The following MYBPC2 variants were observed in gnomAD, a reference collection of about 807,000 sequenced individuals.
MYBPC2 encodes the protein myosin-binding protein C, fast-type.
A neutral mutation model predicts 137.0 loss-of-function variants in MYBPC2; 122 were observed. The ratio of observed to expected loss-of-function variants is 0.89; its 90% confidence interval spans 0.77 to 1.03. MYBPC2 has a LOEUF of 1.03. Ranked by LOEUF, MYBPC2 falls within the 50% of genes least tolerant of loss-of-function variation. The pLI, the probability that MYBPC2 is intolerant of heterozygous loss-of-function variation, is 0.00. For synonymous variants in MYBPC2, 626 were observed against 612.3 expected, an observed-to-expected ratio of 1.02 and a Z score of -0.33; for missense variants, 1,500 against 1,534.4, an observed-to-expected ratio of 0.98 and a Z score of 0.37.
rs549806762 is a variant in MYBPC2, at chr19:50,452,187, A to G, written c.1749+184A>G. Among the ~76,000 whole-genome samples, 3 of 152,326 alleles carry G rather than the reference A, an allele frequency of 2.0e-5. No individual in the cohort carries two copies. In the East Asian group the frequency reaches 5.8e-4, roughly 29 times the overall value. ...GGGCCTAGCACATGGTGGATGCTCC[A>G]TCCATTCATCCATTCACCTTTCAGT... On this transcript the variant is annotated intron_variant, in intron 16 of 27. Coordinates refer to ENST00000357701, the MANE Select transcript of MYBPC2 (RefSeq NM_004533.4).
At chr19:50,436,248 C>A in intron 4 of MYBPC2, 88 bp downstream of exon 4, 2 of 1,489,320 alleles carry the variant, frequency 1.3e-6, no homozygotes, top group African/African-American at 1.4e-5. Context: ...CCTGAGGCAT[C>A]AATGTGGGCC....
rs754042690 is a variant in MYBPC2 at position 50,444,179 on chromosome 19, CATCT to C, written c.1133+364_1133+367del. ...CCATCCATCCATCCATCCATCCATC[CATCT>C]GCTTAACCATCCATCCACTCATGCA... is the stretch of plus-strand genomic sequence containing the variant. On this transcript the variant is annotated intron_variant, in intron 11 of 27. Coordinates refer to ENST00000357701, the MANE Select transcript of MYBPC2 (RefSeq NM_004533.4). 5.1e-3 allele frequency among the ~76,000 whole-genome samples: 614 copies of C among 120,412 alleles called. 5 individuals are homozygous for C. Among genetic ancestry groups the C allele is most frequent in the African/African-American group, 0.015 (437 of 28,712 alleles). The allele number at this position is 120,412 out of a possible 152,430, so 79.0% of individuals were successfully genotyped here.
rs2039747372 is a variant in MYBPC2, at chr19:50,440,868, C to G, written c.573-12C>G. On this transcript the variant is annotated splice_polypyrimidine_tract_variant and intron_variant, in intron 7 of 27. Coordinates refer to ENST00000357701, the MANE Select transcript of MYBPC2 (RefSeq NM_004533.4). Reference sequence around the variant, plus strand: ...CTCCCTGATGGCCCCTGTCCGTTCCCCCACCCGCCAGGGAGGTGGTGGAGG... The same window carrying G: ...CTCCCTGATGGCCCCTGTCCGTTCCGCCACCCGCCAGGGAGGTGGTGGAGG... The G allele has an allele frequency of 1.2e-6, 2 of 1,608,180 alleles. No homozygotes were observed. The highest frequency in any genetic ancestry group is 1.7e-6 in the Non-Finnish European group (2 of 1,176,810).
chr19:50,443,898 T>C, intron 11 of MYBPC2, 82 bp downstream of exon 11: 2 of 1,278,686 alleles, frequency 1.6e-6, no homozygotes, highest in Non-Finnish European at 2.2e-6. Context: ...GGACCTCCTG[T>C]GACTTCTCTT....
At chr19:50,440,245 C>T (rs867919359) in intron 7 of MYBPC2, among the ~76,000 whole-genome samples, 9 of 151,322 alleles carry the variant, frequency 5.9e-5, no homozygotes, top group African/African-American at 2.2e-4. Context: ...GATGGGTGTA[C>T]CAAAATCTCA....
chr19:50,462,433 C>T (rs1385668326), intron 26 of MYBPC2, among the ~76,000 whole-genome samples: 1 of 152,148 alleles, frequency 6.6e-6, no homozygotes, highest in Non-Finnish European at 1.5e-5. Flanking sequence ...ATTCTCCCGC[C>T]TCGGCCTCCC....
chr19:50,446,088 C>A, intron 12 of MYBPC2, 36 bp downstream of exon 12: 1 of 1,596,030 alleles, frequency 6.3e-7, no homozygotes. Context: ...GGCTGCACTG[C>A]GCATGCTTCT....
In MYBPC2 at chr19:50,446,022, G is replaced by A. The variant is rs202217309; in HGVS notation, c.1276G>A (p.Gly426Ser). The A allele has an allele frequency of 1.5e-4, 248 of 1,613,306 alleles. 1 individual carries two copies. Among genetic ancestry groups the A allele is most frequent in the East Asian group, 5.1e-4 (23 of 44,868 alleles). ...RGRYQVITNGGQCEAELIVEE... is the reference protein window; with the variant it reads ...RGRYQVITNGSQCEAELIVEE... ...TCGCTATCAGGTCATAACCAATGGC[G>A]GCCAGTGTGAGGCCGAGCTGATTGT... is the stretch of plus-strand genomic sequence containing the variant. Residue 426 changes from glycine (G) to serine (S), a missense_variant, in exon 12 of 28, where the codon GGC (glycine) becomes AGC (serine). By Grantham distance (56) the Gly-to-Ser change is moderately conservative (BLOSUM62 0). Transcript: ENST00000357701.
At chr19:50,451,489 G>A (rs1361140579) in intron 15 of MYBPC2, among the ~76,000 whole-genome samples, 180 bp downstream of exon 15, 1 of 134,948 alleles carries the variant, frequency 7.4e-6, no homozygotes, top group African/African-American at 2.7e-5. Flanking sequence ...GAGGGGCGGG[G>A]AGCTGACAGA....
Position 50,436,004 on chromosome 19 carries a change from C to A in MYBPC2, c.197-8C>A. ...CTCCCACTCTACCCTGTCACTCACC[C>A]CATGTAGGGAAGGACGCAGTGGTCG... On this transcript the variant is annotated splice_polypyrimidine_tract_variant and splice_region_variant and intron_variant, in intron 3 of 27. Coordinates refer to ENST00000357701, the MANE Select transcript of MYBPC2 (RefSeq NM_004533.4). The A allele has an allele frequency of 6.4e-7, 1 of 1,574,116 alleles. No homozygotes were observed. Among genetic ancestry groups the A allele is most frequent in the East Asian group, 2.3e-5 (1 of 42,624 alleles).
chr19:50,451,768 A>G, intron 15 of MYBPC2, 96 bp from the exon 16 acceptor site: 4 of 1,509,642 alleles, frequency 2.6e-6, no homozygotes, highest in Non-Finnish European at 3.6e-6. Context: ...TGTCTCTGTC[A>G]CTGTTGGAAC....
chr19:50,451,032 G>A, intron 14 of MYBPC2, 97 bp downstream of exon 14: 1 of 1,177,434 alleles, frequency 8.5e-7, no homozygotes. Context: ...GGTTCCCCGA[G>A]TGCGAATGAG....
chr19:50,458,583 C>G lies in MYBPC2; in HGVS notation c.2339-4C>G. ...AGATCCGCCAGCAGGGCCTCTCTCT[C>G]CAGCCGAGGAATGGGTCCCTGCCAA... is the stretch of plus-strand genomic sequence containing the variant. On this transcript the variant is annotated splice_region_variant and splice_polypyrimidine_tract_variant and intron_variant, in intron 20 of 27. Coordinates refer to ENST00000357701, the MANE Select transcript of MYBPC2 (RefSeq NM_004533.4). The G allele has an allele frequency of 6.2e-7, 1 of 1,611,104 alleles. No homozygotes were observed. The highest frequency in any genetic ancestry group is 8.5e-7 in the Non-Finnish European group (1 of 1,179,822).
rs753547921 is a variant in MYBPC2 at position 50,466,188 on chromosome 19, C to T, written c.3416-7C>T. On this transcript the variant is annotated splice_region_variant and splice_polypyrimidine_tract_variant and intron_variant, in intron 27 of 27. Coordinates refer to ENST00000357701, the MANE Select transcript of MYBPC2 (RefSeq NM_004533.4). The surrounding 1 kb of genome is among the most constrained non-coding windows in gnomAD (Gnocchi z 4.9). Reference sequence around the variant, plus strand: ...CCTGGCTCACCCGCTTTCTCGTTTTCCTGCAGTGCCGCAGTGAGACCTGTC... The same window carrying T: ...CCTGGCTCACCCGCTTTCTCGTTTTTCTGCAGTGCCGCAGTGAGACCTGTC... 3.7e-6 allele frequency: 6 copies of T among 1,613,818 alleles called. No individual in the cohort carries two copies. The highest frequency in any genetic ancestry group is 5.1e-6 in the Non-Finnish European group (6 of 1,179,840).
intron 7 of MYBPC2, 143 bp from the exon 8 acceptor site, chr19:50,440,737 G>A: frequency 2.6e-6 from 2 of 776,910 alleles, no homozygotes; most frequent in Non-Finnish European, 4.1e-6. Context: ...AGGAGGCTGG[G>A]GCAATGGACC....
chr19:50,435,191 C>A lies in MYBPC2; in HGVS notation c.50C>A (p.Ala17Asp). The A allele has an allele frequency of 3.6e-6, 5 of 1,375,292 alleles. No individual in the cohort carries two copies. Among genetic ancestry groups the A allele is most frequent in the Non-Finnish European group, 5.2e-6 (5 of 967,356 alleles). The allele number at this position is 1,375,292 out of a possible 1,614,324, so 85.2% of individuals were successfully genotyped here. ...AAAAAGGCCCCCAAAGGCAAAGATG[C>A]CCCCAAAGGAGCCCCCAAGGAGGCT... is the stretch of plus-strand genomic sequence containing the variant. ...AAKKAPKGKD[A>D]PKGAPKEAPP... Residue 17 changes from alanine (A) to aspartate (D), a missense_variant, in exon 2 of 28, where the codon GCC (alanine) becomes GAC (aspartate). Physicochemically the swap from Ala to Asp is moderately radical, Grantham distance 126. Transcript: ENST00000357701. The surrounding 1 kb of genome is among the most constrained non-coding windows in gnomAD (Gnocchi z 4.8).
chr19:50,457,279 G>A (rs757315901), intron 20 of MYBPC2, among the ~76,000 whole-genome samples: 5 of 152,072 alleles, frequency 3.3e-5, no homozygotes, highest in Non-Finnish European at 7.4e-5. Flanking sequence ...CCACCCTGAC[G>A]TTTCAGAACC....
chr19:50,448,063 C>G (rs1457662042), intron 12 of MYBPC2, among the ~76,000 whole-genome samples, 162 bp from the exon 13 acceptor site: 1 of 152,118 alleles, frequency 6.6e-6, no homozygotes, highest in South Asian at 2.1e-4. Flanking sequence ...TCACTGTCTC[C>G]CACTAGCATG....
At chr19:50,444,226 C>T (rs185287378) in intron 11 of MYBPC2, among the ~76,000 whole-genome samples, 1 of 150,908 alleles carries the variant, frequency 6.6e-6, no homozygotes, top group South Asian at 2.1e-4. Flanking sequence ...ATCCACTCAT[C>T]CATCCATCCA....
Sources: gnomAD v4.1 joint callset for allele counts (sites outside exome capture counted in the v4.1 genomes callset) on GRCh38, gnomAD v4.1.1 for gene constraint, Gnocchi (gnomAD v3.1) non-coding constraint, MANE v1.5 for transcripts, NCBI Gene and HGNC (gene_info 2026-07-23, HGNC 2026-07-21) for gene names.